C2CD4A: variants seen among roughly 807,000 people sequenced by gnomAD.
C2CD4A encodes C2 calcium dependent domain containing 4A, also known as C2 calcium-dependent domain-containing protein 4A.
C2CD4A carries 2 observed loss-of-function variants against 0.4 expected under a neutral mutation model. That is an observed-to-expected ratio of 4.45 (90% CI 1.82 to 13.99). The LOEUF (loss-of-function observed/expected upper bound fraction) is 13.99, where lower values mean the gene tolerates loss of function less well. Among genes scored for constraint, C2CD4A ranks in the 30% most tolerant of loss-of-function variants. The probability of loss-of-function intolerance (pLI) is 0.04; values close to 1 mark genes in which losing one functional copy is unlikely to be tolerated. For missense variants in C2CD4A, 610 were observed against 574.2 expected, an observed-to-expected ratio of 1.06 and a Z score of -0.64; for synonymous variants, 297 against 280.8, an observed-to-expected ratio of 1.06 and a Z score of -0.58.
Position 62,067,792 on chromosome 15 carries a change from C to A in C2CD4A, c.179C>A (p.Ala60Asp). ...CCGCCACGGCTCATGCCCCGCCTGG[C>A]CTTGGCTGCGCTCCGGAATTCTTGG... ...CIPPRLMPRL[A>D]LAALRNSWVE... The change falls in exon 2 of 2, where the codon GCC (alanine) becomes GAC (aspartate). Residue 60 changes from alanine to aspartate, a missense_variant. Physicochemically the swap from Ala to Asp is moderately radical, Grantham distance 126. Transcript: ENST00000355522. 1 of 1,612,744 alleles carries A rather than the reference C, an allele frequency of 6.2e-7. No homozygotes were observed. Among genetic ancestry groups the A allele is most frequent in the Non-Finnish European group, 8.5e-7 (1 of 1,179,898 alleles).
Position 62,068,258 on chromosome 15 carries a change from G to C in C2CD4A, c.645G>C (p.Glu215Asp), listed in dbSNP as rs1226733059. ...RSVSSGNEDK[E>D]RRAGSQSPAR... ...TCTCCAGCGGGAACGAGGACAAGGAGCGCCGCGCGGGCTCCCAGTCCCCGG... is the reference window on the plus strand; with the variant it reads ...TCTCCAGCGGGAACGAGGACAAGGACCGCCGCGCGGGCTCCCAGTCCCCGG... The change falls in exon 2 of 2, where the codon GAG becomes GAC. Residue 215 changes from glutamate to aspartate, a missense_variant. Transcript: ENST00000355522. The C allele has an allele frequency of 2.9e-6, 4 of 1,375,356 alleles. No individual in the cohort carries two copies. In the South Asian group the frequency reaches 4.8e-5, roughly 16 times the overall value. The allele number at this position is 1,375,356 out of a possible 1,614,324, so 85.2% of individuals were successfully genotyped here. A position where few individuals can be genotyped will look rare whatever the true frequency, so the allele number is the denominator to read the frequency against.
chr15:62,067,413 T>C (rs1165524039), intron 1 of C2CD4A, among the ~76,000 whole-genome samples, 172 bp from the exon 2 acceptor site: 1 of 152,138 alleles, frequency 6.6e-6, no homozygotes. Context: ...AAAACAGTTG[T>C]TTTTCGCTCA....
chr15:62,068,821 C>T lies in C2CD4A; in HGVS notation c.*98C>T, dbSNP rs938870753. On this transcript the variant is annotated 3_prime_UTR_variant, in exon 2 of 2. Coordinates refer to ENST00000355522, the MANE Select transcript of C2CD4A (RefSeq NM_207322.3). Reference sequence around the variant, plus strand: ...GTGTATTTGTTGTTCTTATCAGTCCCGTTTCAGTACAACACTGGCAGAGAT... The same window carrying T: ...GTGTATTTGTTGTTCTTATCAGTCCTGTTTCAGTACAACACTGGCAGAGAT... The T allele has an allele frequency of 2.3e-5, 31 of 1,358,188 alleles. No individual in the cohort carries two copies. The highest frequency in any genetic ancestry group is 2.8e-5 in the Non-Finnish European group (29 of 1,035,354). 84.1% of individuals were successfully genotyped at this position (1,358,188 alleles called of 1,614,324 possible).
At position 62,070,510 on chromosome 15, in the gene C2CD4A, A is replaced by G. The variant is rs1485982601; in HGVS notation, c.*1787A>G. 3 of 413,370 alleles carry G rather than the reference A, an allele frequency of 7.3e-6. No individual in the cohort carries two copies. The highest frequency in any genetic ancestry group is 6.2e-5 in the African/African-American group (3 of 48,632). 25.6% of individuals were successfully genotyped at this position (413,370 alleles called of 1,614,324 possible). The stretch of plus-strand genomic sequence containing the variant: ...AAATTGTTCACAGTTTTATACATTC[A>G]TGTTCATTAAAAATGCTATTTAGAA... On this transcript the variant is annotated 3_prime_UTR_variant, in exon 2 of 2. Transcript: ENST00000355522.
At position 62,068,894 on chromosome 15, in the gene C2CD4A, T is replaced by A. The variant is rs926081432; in HGVS notation, c.*171T>A. On this transcript the variant is annotated 3_prime_UTR_variant, in exon 2 of 2. Coordinates refer to ENST00000355522, the MANE Select transcript of C2CD4A (RefSeq NM_207322.3). ...TAAAAGATATGATATTTTCCATAGA[T>A]ACCTCCAGAATTTTTTTCAGCAAAT... The A allele has an allele frequency of 9.7e-5, 98 of 1,014,138 alleles. No individual in the cohort carries two copies. Among genetic ancestry groups the A allele is most frequent in the Non-Finnish European group, 1.3e-4 (95 of 745,054 alleles). 62.8% of individuals were successfully genotyped at this position (1,014,138 alleles called of 1,614,324 possible).
Position 62,070,404 on chromosome 15 carries a change from G to A in C2CD4A, c.*1681G>A. The A allele has an allele frequency of 2.4e-6, 1 of 413,392 alleles. No individual in the cohort carries two copies. The highest frequency in any genetic ancestry group is 1.3e-4 in the South Asian group (1 of 7,846). The allele number at this position is 413,392 out of a possible 1,614,324, so 25.6% of individuals were successfully genotyped here. A position where few individuals can be genotyped will look rare whatever the true frequency, so the allele number is the denominator to read the frequency against. ...CTGCAGCCTCTACCTCCTGACACAAGCTGTCATCCCGCTTTGGCTTCTCAA... is the reference window on the plus strand; with the variant it reads ...CTGCAGCCTCTACCTCCTGACACAAACTGTCATCCCGCTTTGGCTTCTCAA... On this transcript the variant is annotated 3_prime_UTR_variant, in exon 2 of 2. Transcript: ENST00000355522.
At position 62,069,871 on chromosome 15, in the gene C2CD4A, G is replaced by A. The variant is rs1236597006; in HGVS notation, c.*1148G>A. ...ACTTGTATTCCTCATCCTGCTTTTGGTGAAAAAACAAATTGCTTGAAATGA... is the reference window on the plus strand; with the variant it reads ...ACTTGTATTCCTCATCCTGCTTTTGATGAAAAAACAAATTGCTTGAAATGA... On this transcript the variant is annotated 3_prime_UTR_variant, in exon 2 of 2. Transcript: ENST00000355522. The A allele has an allele frequency of 6.0e-6, 1 of 167,506 alleles. No individual in the cohort carries two copies. Among genetic ancestry groups the A allele is most frequent in the African/African-American group, 2.4e-5 (1 of 41,446 alleles). 10.4% of individuals were successfully genotyped at this position (167,506 alleles called of 1,614,324 possible).
rs1378660724 is a variant in C2CD4A at position 62,068,253 on chromosome 15, A to T, written c.640A>T (p.Lys214Ter). 2 of 1,376,352 alleles carry T rather than the reference A, an allele frequency of 1.5e-6. No homozygotes were observed. Among genetic ancestry groups the T allele is most frequent in the East Asian group, 6.3e-5 (2 of 31,842 alleles). 85.3% of individuals were successfully genotyped at this position (1,376,352 alleles called of 1,614,324 possible). A position where few individuals can be genotyped will look rare whatever the true frequency, so the allele number is the denominator to read the frequency against. The change falls in exon 2 of 2, where the codon AAG becomes TAG. Residue 214 changes from lysine to a stop codon, truncating the protein, a stop_gained. Transcript: ENST00000355522. LOFTEE classifies it low-confidence loss of function (END_TRUNC). ...VRSVSSGNEDKERRAGSQSPA... is the reference protein window; with the variant it reads ...VRSVSSGNED ...CTCCGTCTCCAGCGGGAACGAGGAC[A>T]AGGAGCGCCGCGCGGGCTCCCAGTC...
Position 62,067,816 on chromosome 15 carries a change from G to A in C2CD4A, c.203G>A (p.Trp68Ter), listed in dbSNP as rs777756585. The change falls in exon 2 of 2, where the codon TGG becomes TAG. Residue 68 changes from tryptophan (W) to a stop codon, truncating the protein, a stop_gained. Transcript: ENST00000355522. LOFTEE classifies it low-confidence loss of function (END_TRUNC). ...GCCTTGGCTGCGCTCCGGAATTCTTGGGTCGAAGAAGCAGGGATGGACGAG... is the reference window on the plus strand; with the variant it reads ...GCCTTGGCTGCGCTCCGGAATTCTTAGGTCGAAGAAGCAGGGATGGACGAG... ...RLALAALRNS[W>*]VEEAGMDEGA... 6 of 1,611,730 alleles carry A rather than the reference G, an allele frequency of 3.7e-6. No homozygotes were observed. Among genetic ancestry groups the A allele is most frequent in the Middle Eastern group, 1.9e-4 (1 of 5,282 alleles).
chr15:62,067,492 A>G, intron 1 of C2CD4A, 93 bp from the exon 2 acceptor site: 2 of 1,103,710 alleles, frequency 1.8e-6, no homozygotes, highest in Non-Finnish European at 2.5e-6. Flanking sequence ...GCAGGAAGAA[A>G]CACCCCGAAA....
chr15:62,067,948 C>T lies in C2CD4A; in HGVS notation c.335C>T (p.Pro112Leu). Residue 112 changes from proline to leucine, a missense_variant, in exon 2 of 2, where the codon CCG (proline) becomes CTG (leucine). Pro to Leu is a moderately conservative substitution (Grantham distance 98, BLOSUM62 -3). Coordinates refer to ENST00000355522, the MANE Select transcript of C2CD4A (RefSeq NM_207322.3). The part of the protein sequence containing the change: ...AYGFCALLES[P>L]HTRRKESLLL... Reference sequence around the variant, plus strand: ...GGCTTCTGCGCGCTGCTCGAGAGCCCGCACACGCGCCGCAAGGAGTCGCTC... The same window carrying T: ...GGCTTCTGCGCGCTGCTCGAGAGCCTGCACACGCGCCGCAAGGAGTCGCTC... 1 of 1,548,824 alleles carries T rather than the reference C, an allele frequency of 6.5e-7. No individual in the cohort carries two copies. The highest frequency in any genetic ancestry group is 8.7e-7 in the Non-Finnish European group (1 of 1,155,676).
At position 62,067,641 on chromosome 15, in the gene C2CD4A, G is replaced by A; in HGVS notation, c.28G>A (p.Gly10Ser). The change falls in exon 2 of 2, where the codon GGT (glycine) becomes AGT (serine). Residue 10 changes from glycine to serine, a missense_variant. Transcript: ENST00000355522. MWCLERLRL[G>S]PECLRRSGDW... ...GTGGTGCCTGGAGCGACTCCGCTTG[G>A]GTCCTGAGTGCCTTCGGCGGAGCGG... 1 of 1,601,962 alleles carries A rather than the reference G, an allele frequency of 6.2e-7. No homozygotes were observed. The highest frequency in any genetic ancestry group is 1.1e-5 in the South Asian group (1 of 90,660).
Position 62,068,312 on chromosome 15 carries a change from G to C in C2CD4A, c.699G>C (p.Ser233=). Residue 233 remains serine, a synonymous_variant, in exon 2 of 2, where the codon TCG becomes TCC. Coordinates refer to ENST00000355522, the MANE Select transcript of C2CD4A (RefSeq NM_207322.3). Reference sequence around the variant, plus strand: ...GGGCCCCCTCCACGAGCCCGCCGTCGTCCCGGGTCCCGTTTCCCGAGCGCC... The same window carrying C: ...GGGCCCCCTCCACGAGCCCGCCGTCCTCCCGGGTCCCGTTTCCCGAGCGCC... ...PARAPSTSPP[S]SRVPFPERLE... The C allele has an allele frequency of 7.1e-7, 1 of 1,416,920 alleles. No homozygotes were observed. Among genetic ancestry groups the C allele is most frequent in the Non-Finnish European group, 9.2e-7 (1 of 1,086,442 alleles). 87.8% of individuals were successfully genotyped at this position (1,416,920 alleles called of 1,614,324 possible). A position where few individuals can be genotyped will look rare whatever the true frequency, so the allele number is the denominator to read the frequency against.
chr15:62,068,565 G>A lies in C2CD4A; in HGVS notation c.952G>A (p.Ala318Thr), dbSNP rs774481549. The change falls in exon 2 of 2, where the codon GCC becomes ACC. Residue 318 changes from alanine to threonine, a missense_variant. By Grantham distance (58) the Ala-to-Thr change is moderately conservative (BLOSUM62 0). Transcript: ENST00000355522. ...CACTGTGGTGGGGCGCAGCCGCAAG[G>A]CCTCCTTTGACCAGGACTTCTGCTT... Reference protein sequence around the residue: ...CSTVVGRSRKASFDQDFCFDG... With the variant: ...CSTVVGRSRKTSFDQDFCFDG... 21 of 1,571,124 alleles carry A rather than the reference G, an allele frequency of 1.3e-5. No homozygotes were observed. In the East Asian group the frequency reaches 4.9e-4, roughly 37 times the overall value.
chr15:62,069,137 C>A lies in C2CD4A; in HGVS notation c.*414C>A, dbSNP rs371139418. On this transcript the variant is annotated 3_prime_UTR_variant, in exon 2 of 2. Transcript: ENST00000355522. The stretch of plus-strand genomic sequence containing the variant: ...TTTTGAAGCATTTTGTTTAAGACCC[C>A]GGATAAGAAAATGAGGGCAAAAGAG... 5.5e-6 allele frequency: 1 copy of A among 183,382 alleles called. No homozygotes were observed. Among genetic ancestry groups the A allele is most frequent in the Non-Finnish European group, 1.3e-5 (1 of 79,598 alleles). The allele number at this position is 183,382 out of a possible 1,614,324, so 11.4% of individuals were successfully genotyped here. A position where few individuals can be genotyped will look rare whatever the true frequency, so the allele number is the denominator to read the frequency against.
Position 62,067,718 on chromosome 15 carries a change from C to G in C2CD4A, c.105C>G (p.Ala35=), listed in dbSNP as rs746785433. 6 of 1,611,292 alleles carry G rather than the reference C, an allele frequency of 3.7e-6. No homozygotes were observed. The African/African-American group carries it at 5.3e-5, about 14-fold the overall frequency. Residue 35 remains alanine, a synonymous_variant, in exon 2 of 2, where the codon GCC becomes GCG. Coordinates refer to ENST00000355522, the MANE Select transcript of C2CD4A (RefSeq NM_207322.3). ...GCGGAGCCAAGTCTCGCACCACCGC[C>G]GCGTGCGCAAATGTGCTCACTCCGG... ...RARGAKSRTT[A]ACANVLTPDR...
At position 62,067,898 on chromosome 15, in the gene C2CD4A, C is replaced by G. The variant is rs749759635; in HGVS notation, c.285C>G (p.His95Gln). ...PRSQAALSLP[H>Q]LPRVRTAYGF... Reference sequence around the variant, plus strand: ...CGCAGGCCGCGCTGTCACTGCCGCACCTGCCCCGTGTGCGCACCGCCTACG... The same window carrying G: ...CGCAGGCCGCGCTGTCACTGCCGCAGCTGCCCCGTGTGCGCACCGCCTACG... The change falls in exon 2 of 2, where the codon CAC becomes CAG. Residue 95 changes from histidine (H) to glutamine (Q), a missense_variant. Physicochemically the swap from His to Gln is conservative, Grantham distance 24 (BLOSUM62 0). Coordinates refer to ENST00000355522, the MANE Select transcript of C2CD4A (RefSeq NM_207322.3). 1.7e-5 allele frequency: 27 copies of G among 1,599,198 alleles called. No homozygotes were observed. The highest frequency in any genetic ancestry group is 2.3e-5 in the Non-Finnish European group (27 of 1,177,076).
chr15:62,068,281 C>G lies in C2CD4A; in HGVS notation c.668C>G (p.Pro223Arg). 1 of 1,389,186 alleles carries G rather than the reference C, an allele frequency of 7.2e-7. No homozygotes were observed. The highest frequency in any genetic ancestry group is 9.3e-7 in the Non-Finnish European group (1 of 1,072,750). The allele number at this position is 1,389,186 out of a possible 1,614,324, so 86.1% of individuals were successfully genotyped here. A position where few individuals can be genotyped will look rare whatever the true frequency, so the allele number is the denominator to read the frequency against. ...GAGCGCCGCGCGGGCTCCCAGTCCC[C>G]GGCCCGGGCCCCCTCCACGAGCCCG... ...DKERRAGSQS[P>R]ARAPSTSPPS... Residue 223 changes from proline (P) to arginine (R), a missense_variant, in exon 2 of 2, where the codon CCG becomes CGG. Physicochemically the swap from Pro to Arg is moderately radical, Grantham distance 103 (BLOSUM62 -2). Coordinates refer to ENST00000355522, the MANE Select transcript of C2CD4A (RefSeq NM_207322.3).
In C2CD4A at chr15:62,068,727, C is replaced by T. The variant is rs770892542; in HGVS notation, c.*4C>T. 18 of 1,468,792 alleles carry T rather than the reference C, an allele frequency of 1.2e-5. No individual in the cohort carries two copies. The East Asian group carries it at 4.2e-4, about 34-fold the overall frequency. 91.0% of individuals were successfully genotyped at this position (1,468,792 alleles called of 1,614,324 possible). A position where few individuals can be genotyped will look rare whatever the true frequency, so the allele number is the denominator to read the frequency against. ...GGGCGCCCTCCTGCTGCTCTGAGGG[C>T]CCAGCCCTCCCCGGGGCGCTCTGCC... is the stretch of plus-strand genomic sequence containing the variant. On this transcript the variant is annotated 3_prime_UTR_variant, in exon 2 of 2. Coordinates refer to ENST00000355522, the MANE Select transcript of C2CD4A (RefSeq NM_207322.3).
Sources: gnomAD v4.1 joint callset for allele counts (sites outside exome capture counted in the v4.1 genomes callset) on GRCh38, gnomAD v4.1.1 for gene constraint, MANE v1.5 for transcripts, NCBI Gene and HGNC (gene_info 2026-07-23, HGNC 2026-07-21) for gene names.